SYT10: variants seen among roughly 807,000 people sequenced by gnomAD.
SYT10 encodes the protein synaptotagmin-10.
SYT10 carries 31 observed loss-of-function variants against 51.1 expected under a neutral mutation model. That is an observed-to-expected ratio of 0.61 (90% CI 0.46 to 0.82). The LOEUF is 0.82. SYT10 is among the 40% of genes least tolerant of loss of function. SYT10 has a pLI of 0.00. For missense variants in SYT10, 603 were observed against 634.0 expected (o/e 0.95, Z 0.53); for synonymous variants, 233 against 225.9 (o/e 1.03, Z -0.28).
At chr12:33,411,674 G>T (rs1331785755) in intron 2 of SYT10, among the ~76,000 whole-genome samples, 1 of 151,908 alleles carries the variant, frequency 6.6e-6, no homozygotes, top group Non-Finnish European at 1.5e-5. Context: ...CTGGCTTTAT[G>T]ACTCAATATT....
intron 3 of SYT10, among the ~76,000 whole-genome samples, chr12:33,395,576 A>AT (rs1015435900): frequency 1.8e-4 from 27 of 152,314 alleles, no homozygotes; most frequent in Non-Finnish European, 3.7e-4. Flanking sequence ...CCAAATATGG[A>AT]TTTTTTGTTA....
At chr12:33,419,606 C>T (rs78271890) in intron 2 of SYT10, among the ~76,000 whole-genome samples, 3,690 of 152,158 alleles carry the variant, frequency 0.024, 154 homozygotes, top group African/African-American at 0.083. Context: ...ATGAGAATAA[C>T]ATACTGCCTA....
At chr12:33,418,720 T>C (rs1866475947) in intron 2 of SYT10, among the ~76,000 whole-genome samples, 1 of 152,172 alleles carries the variant, frequency 6.6e-6, no homozygotes, top group Admixed American at 6.5e-5. Context: ...CCTCAAAATA[T>C]ATCCAGTCAG....
rs1171769548 is a variant in SYT10, at chr12:33,375,354, A to G, written c.*1476T>C. On this transcript the variant is annotated 3_prime_UTR_variant, in exon 7 of 7. Coordinates refer to ENST00000228567, the MANE Select transcript of SYT10 (RefSeq NM_198992.4). ...GAAATAATGGGATTTTACAAAAATA[A>G]AAATTTCATAACCGCTGATAAAATT... 6.6e-6 allele frequency: 1 copy of G among 152,116 alleles called. No homozygotes were observed. The highest frequency in any genetic ancestry group is 6.5e-5 in the Admixed American group (1 of 15,270). 9.4% of individuals were successfully genotyped at this position (152,116 alleles called of 1,614,324 possible). A position where few individuals can be genotyped will look rare whatever the true frequency, so the allele number is the denominator to read the frequency against.
chr12:33,386,869 T>C (rs1866160783), intron 3 of SYT10, among the ~76,000 whole-genome samples: 1 of 152,178 alleles, frequency 6.6e-6, no homozygotes, highest in South Asian at 2.1e-4. Flanking sequence ...TGGATAAAAC[T>C]TGACCTGTTT....
rs1376067263 is a variant in SYT10 at position 33,374,258 on chromosome 12, C to T, written c.*2572G>A. The stretch of plus-strand genomic sequence containing the variant: ...AACCCTTACTCTTTTTTTTCCTAGA[C>T]TGATATTTGGTAAGTCCCTGAAGAA... On this transcript the variant is annotated 3_prime_UTR_variant, in exon 7 of 7. Transcript: ENST00000228567. The T allele has an allele frequency of 6.6e-6, 1 of 151,356 alleles. No individual in the cohort carries two copies. The highest frequency in any genetic ancestry group is 1.5e-5 in the Non-Finnish European group (1 of 67,758). 9.4% of individuals were successfully genotyped at this position (151,356 alleles called of 1,614,324 possible). A position where few individuals can be genotyped will look rare whatever the true frequency, so the allele number is the denominator to read the frequency against.
intron 2 of SYT10, among the ~76,000 whole-genome samples, chr12:33,425,857 G>A (rs556884931): frequency 1.4e-4 from 22 of 152,158 alleles, no homozygotes; most frequent in African/African-American, 4.8e-4. Flanking sequence ...GTAGTTACAC[G>A]ATTTTACTGA....
chr12:33,418,920 T>C (rs1866477291), intron 2 of SYT10, among the ~76,000 whole-genome samples: 1 of 152,316 alleles, frequency 6.6e-6, no homozygotes, highest in African/African-American at 2.4e-5. Flanking sequence ...AACCCTCTAG[T>C]GGCTTCCCAT....
intron 2 of SYT10, among the ~76,000 whole-genome samples, chr12:33,423,337 ATGTGTG>A (rs140116235): frequency 1.3e-5 from 2 of 148,472 alleles, no homozygotes; most frequent in African/African-American, 5.1e-5. Context: ...TGTGTGTGTT[ATGTGTG>A]TGTGTGTGCG....
At chr12:33,388,027 C>T (rs1866173172) in intron 3 of SYT10, among the ~76,000 whole-genome samples, 1 of 152,038 alleles carries the variant, frequency 6.6e-6, no homozygotes, top group Non-Finnish European at 1.5e-5. Flanking sequence ...CAGGCGGGTC[C>T]AATCTCACAC....
Position 33,385,277 on chromosome 12 carries a change from C to T in SYT10, c.1092G>A (p.Leu364=), listed in dbSNP as rs1268186959. ...IHCATTESID[L]GEIMFSLCYL... is the part of the protein sequence containing the mutation. Reference sequence around the variant, plus strand: ...AACAAAGGGAAAACATGATTTCACCCAGGTCTATACTTTCCTAGAAAGGCA... The same window carrying T: ...AACAAAGGGAAAACATGATTTCACCTAGGTCTATACTTTCCTAGAAAGGCA... The change falls in exon 4 of 7, where the codon CTG becomes CTA. Residue 364 remains leucine, a synonymous_variant. Transcript: ENST00000228567. 1 of 1,613,260 alleles carries T rather than the reference C, an allele frequency of 6.2e-7. No individual in the cohort carries two copies.
intron 3 of SYT10, among the ~76,000 whole-genome samples, chr12:33,395,265 T>C (rs750481056): frequency 6.6e-6 from 1 of 152,230 alleles, no homozygotes; most frequent in Non-Finnish European, 1.5e-5. Flanking sequence ...TATAGCAAAC[T>C]GCTTAATGCA....
At chr12:33,392,848 A>T (rs1387175091) in intron 3 of SYT10, among the ~76,000 whole-genome samples, 1 of 151,792 alleles carries the variant, frequency 6.6e-6, no homozygotes, top group African/African-American at 2.4e-5. Flanking sequence ...ATTAACAGCA[A>T]CCACCCAGAG....
chr12:33,421,933 T>C (rs571272156), intron 2 of SYT10, among the ~76,000 whole-genome samples: 70 of 152,136 alleles, frequency 4.6e-4, no homozygotes, highest in African/African-American at 1.4e-3. Context: ...TTTAGGAGGA[T>C]GGTAAAAAGA....
At chr12:33,404,346 A>G (rs1018316504) in intron 3 of SYT10, among the ~76,000 whole-genome samples, 42 of 152,126 alleles carry the variant, frequency 2.8e-4, no homozygotes, top group African/African-American at 9.4e-4. Flanking sequence ...TGTCAACCAC[A>G]TTCATTTTAT....
chr12:33,385,018 G>C (rs956891416), intron 4 of SYT10, among the ~76,000 whole-genome samples, 153 bp downstream of exon 4: 6 of 152,154 alleles, frequency 3.9e-5, no homozygotes, highest in African/African-American at 1.4e-4. Context: ...ATATAAAAGA[G>C]ATGAATTGGA....
At chr12:33,439,122 A>ACGGCGC (rs1229491697) in intron 1 of SYT10, among the ~76,000 whole-genome samples, 3 of 152,250 alleles carry the variant, frequency 2.0e-5, no homozygotes, top group Middle Eastern at 6.8e-3. Context: ...GGAGCGGGAG[A>ACGGCGC]CGGCGCCGGG....
intron 2 of SYT10, among the ~76,000 whole-genome samples, chr12:33,414,682 G>T (rs573644057): frequency 6.6e-6 from 1 of 152,296 alleles, no homozygotes; most frequent in East Asian, 1.9e-4. Flanking sequence ...TGAAAGCAGT[G>T]TGTAGAAGGA....
At chr12:33,394,769 A>C (rs1429960774) in intron 3 of SYT10, among the ~76,000 whole-genome samples, 2 of 152,212 alleles carry the variant, frequency 1.3e-5, no homozygotes, top group Non-Finnish European at 2.9e-5. Context: ...GTACTTTCGT[A>C]CTTTACTCTG....
Sources: allele counts gnomAD v4.1 joint callset (sites outside exome capture counted in the v4.1 genomes callset), GRCh38; gene constraint gnomAD v4.1.1; transcripts MANE v1.5; gene names NCBI Gene and HGNC (gene_info 2026-07-23, HGNC 2026-07-21).